IGSF21: variants seen among roughly 807,000 people sequenced by gnomAD.
The protein encoded by IGSF21 is immunoglobulin superfamily member 21.
Under a neutral mutation model 46.8 loss-of-function variants are expected in IGSF21, and 28 were observed. The observed-to-expected ratio is 0.60, with a 90% CI of 0.44 to 0.82. The LOEUF (loss-of-function observed/expected upper bound fraction) is 0.82. IGSF21 is among the 40% of genes least tolerant of loss of function. IGSF21 has a pLI of 0.00. For missense variants in IGSF21, 624 were observed against 665.5 expected, an observed-to-expected ratio of 0.94 and a Z score of 0.69; for synonymous variants, 284 against 273.6, an observed-to-expected ratio of 1.04 and a Z score of -0.38.
intron 2 of IGSF21, among the ~76,000 whole-genome samples, chr1:18,255,073 GA>G (rs1345817748): frequency 6.6e-6 from 1 of 152,190 alleles, no homozygotes; most frequent in Non-Finnish European, 1.5e-5. Context: ...TGACCCCAGC[GA>G]AAGTGACAAA....
intron 1 of IGSF21, among the ~76,000 whole-genome samples, chr1:18,173,411 C>T (rs994681191): frequency 1.3e-5 from 2 of 152,224 alleles, no homozygotes; most frequent in African/African-American, 4.8e-5. Flanking sequence ...GTGTAAACAC[C>T]ACCACAGTCA....
At chr1:18,292,375 T>C (rs1484121189) in intron 3 of IGSF21, among the ~76,000 whole-genome samples, 1 of 152,220 alleles carries the variant, frequency 6.6e-6, no homozygotes, top group Non-Finnish European at 1.5e-5. Flanking sequence ...GCTTGGAAGC[T>C]CAAACACCAC....
intron 3 of IGSF21, among the ~76,000 whole-genome samples, chr1:18,328,471 G>T (rs599307): frequency 6.6e-6 from 1 of 152,114 alleles, no homozygotes; most frequent in Non-Finnish European, 1.5e-5. Flanking sequence ...TAAAAAAATC[G>T]TAAGTTGAAC....
chr1:18,139,715 A>G (rs1026547659), intron 1 of IGSF21, among the ~76,000 whole-genome samples: 1 of 152,094 alleles, frequency 6.6e-6, no homozygotes, highest in African/African-American at 2.4e-5. Flanking sequence ...CATCTGTGAG[A>G]TGGGGTTAAT....
At chr1:18,123,727 A>G (rs2086253440) in intron 1 of IGSF21, among the ~76,000 whole-genome samples, 1 of 152,134 alleles carries the variant, frequency 6.6e-6, no homozygotes, top group African/African-American at 2.4e-5. Flanking sequence ...AACAGCAAGG[A>G]TAAAGGCCTA....
Position 18,349,536 on chromosome 1 carries a change from G to A in IGSF21, c.425-12579G>A, listed in dbSNP as rs1415267833. On this transcript the variant is annotated intron_variant, in intron 4 of 9. Coordinates refer to ENST00000251296, the MANE Select transcript of IGSF21 (RefSeq NM_032880.5). Reference sequence around the variant, plus strand: ...AAGGAGCTATATAGGCAACAATGAGGGGCAGAAAAGCATGGCAAGAGGGGG... The same window carrying A: ...AAGGAGCTATATAGGCAACAATGAGAGGCAGAAAAGCATGGCAAGAGGGGG... 3.3e-5 allele frequency among the ~76,000 whole-genome samples: 5 copies of A among 152,080 alleles called. No homozygotes were observed. The East Asian group carries it at 9.7e-4, about 29-fold the overall frequency.
intron 3 of IGSF21, among the ~76,000 whole-genome samples, chr1:18,318,465 C>CGTGT (rs60257732): frequency 0.062 from 9,251 of 148,638 alleles, 396 homozygotes; most frequent in African/African-American, 0.12. Flanking sequence ...TGCGTGCGTG[C>CGTGT]GTGTGTGTGT....
intron 1 of IGSF21, among the ~76,000 whole-genome samples, chr1:18,208,397 T>TATATATATATATATATA (rs368652183): frequency 0.012 from 1,142 of 92,454 alleles, 137 homozygotes; most frequent in African/African-American, 0.022. Context: ...ATATATATAT[T>TATATATATATATATATA]TTTTGAGACG....
chr1:18,127,841 C>T (rs538694040), intron 1 of IGSF21, among the ~76,000 whole-genome samples: 16 of 152,168 alleles, frequency 1.1e-4, no homozygotes, highest in South Asian at 4.1e-4. Flanking sequence ...CCCGGGAAGT[C>T]GAGGTTATAG....
intron 1 of IGSF21, among the ~76,000 whole-genome samples, chr1:18,123,368 A>G (rs2086251177): frequency 6.6e-6 from 1 of 152,234 alleles, no homozygotes. Context: ...ACAGAGCCTT[A>G]TTCCAGCTCC....
chr1:18,207,503 T>C (rs765599459), intron 1 of IGSF21, among the ~76,000 whole-genome samples: 1 of 152,216 alleles, frequency 6.6e-6, no homozygotes, highest in Non-Finnish European at 1.5e-5. Context: ...GACTCTCTAA[T>C]ATGGACCATG....
chr1:18,244,193 G>T lies in IGSF21; in HGVS notation c.183+16183G>T, dbSNP rs1328131208. ...GGTGCTCTACTTCTCTGTGCACATA[G>T]ACCATGGGACAGATTCAAGGGCAGC... On this transcript the variant is annotated intron_variant, in intron 2 of 9. Transcript: ENST00000251296. Among the ~76,000 whole-genome samples, 4 of 152,314 alleles carry T rather than the reference G, an allele frequency of 2.6e-5. No homozygotes were observed. The East Asian group carries it at 7.7e-4, about 29-fold the overall frequency.
At chr1:18,351,082 G>A (rs1175198803) in intron 4 of IGSF21, among the ~76,000 whole-genome samples, 1 of 152,106 alleles carries the variant, frequency 6.6e-6, no homozygotes, top group Non-Finnish European at 1.5e-5. Flanking sequence ...TGAGGAAACC[G>A]AGACCCAGGG....
At chr1:18,267,135 C>T (rs1421044183) in intron 2 of IGSF21, among the ~76,000 whole-genome samples, 1 of 152,168 alleles carries the variant, frequency 6.6e-6, no homozygotes, top group African/African-American at 2.4e-5. Flanking sequence ...TAAGCATTGA[C>T]CTCACTCTAA....
At chr1:18,240,076 A>G (rs1013526267) in intron 2 of IGSF21, among the ~76,000 whole-genome samples, 3 of 152,208 alleles carry the variant, frequency 2.0e-5, no homozygotes, top group Non-Finnish European at 4.4e-5. Flanking sequence ...CCAGAAGTTC[A>G]AGAACATCCT....
At chr1:18,306,538 G>A (rs2085427593) in intron 3 of IGSF21, among the ~76,000 whole-genome samples, 1 of 152,122 alleles carries the variant, frequency 6.6e-6, no homozygotes, top group Non-Finnish European at 1.5e-5. Flanking sequence ...GCACCCCGAG[G>A]ATAAAGACTT....
chr1:18,330,831 A>T (rs1021374924), intron 3 of IGSF21, among the ~76,000 whole-genome samples: 1 of 152,220 alleles, frequency 6.6e-6, no homozygotes, highest in African/African-American at 2.4e-5. Flanking sequence ...GAAAGTACAG[A>T]AAGTTCCCAC....
intron 2 of IGSF21, among the ~76,000 whole-genome samples, chr1:18,234,989 C>T (rs534175799): frequency 2.6e-5 from 4 of 152,208 alleles, no homozygotes; most frequent in Non-Finnish European, 5.9e-5. Context: ...ACAATCATTG[C>T]AGCCCTGATC....
chr1:18,156,341 C>T (rs1354724595), intron 1 of IGSF21, among the ~76,000 whole-genome samples: 4 of 152,354 alleles, frequency 2.6e-5, no homozygotes, highest in South Asian at 2.1e-4. Flanking sequence ...GGCCAAGCTC[C>T]GTGCCCACAA....
Sources: allele counts gnomAD v4.1 joint callset (sites outside exome capture counted in the v4.1 genomes callset), GRCh38; gene constraint gnomAD v4.1.1; transcripts MANE v1.5; gene names NCBI Gene and HGNC (gene_info 2026-07-23, HGNC 2026-07-21).